Variants in UGT2B15 observed in about 807,000 individuals in gnomAD.
UGT2B15 encodes UDP glucuronosyltransferase family 2 member B15, also known as UDP-glucuronosyltransferase 2B15.
Under a neutral mutation model 45.9 loss-of-function variants are expected in UGT2B15, and 36 were observed. The observed-to-expected ratio is 0.78, with a 90% CI of 0.60 to 1.04. The LOEUF is 1.04. Among genes scored for constraint, UGT2B15 ranks in the 50% least tolerant of loss-of-function variants. The pLI is 0.00. For synonymous variants in UGT2B15, 219 were observed against 216.4 expected, an observed-to-expected ratio of 1.01 and a Z score of -0.11; for missense variants, 617 against 622.4, an observed-to-expected ratio of 0.99 and a Z score of 0.09.
intron 3 of UGT2B15, among the ~76,000 whole-genome samples, chr4:68,661,562 A>G (rs1294367520): frequency 6.6e-6 from 1 of 152,064 alleles, no homozygotes; most frequent in East Asian, 1.9e-4. Context: ...AGAAGAGTTT[A>G]CTTATATCCA....
intron 5 of UGT2B15, among the ~76,000 whole-genome samples, chr4:68,649,899 C>T (rs1732600830): frequency 6.6e-6 from 1 of 151,516 alleles, no homozygotes; most frequent in Admixed American, 6.6e-5. Context: ...GTGGCACTAT[C>T]TCGGCTCACT....
At chr4:68,647,840 G>T (rs1234334523) in intron 5 of UGT2B15, among the ~76,000 whole-genome samples, 1 of 151,952 alleles carries the variant, frequency 6.6e-6, no homozygotes. Context: ...TCAGTCTCAT[G>T]AGAAGCTAGG....
At chr4:68,665,534 T>G (rs1347661202) in intron 2 of UGT2B15, among the ~76,000 whole-genome samples, 1 of 152,194 alleles carries the variant, frequency 6.6e-6, no homozygotes, top group Non-Finnish European at 1.5e-5. Flanking sequence ...ATTTATTCTC[T>G]GTACAGTTTC....
At chr4:68,664,816 A>G (rs537154785) in intron 2 of UGT2B15, among the ~76,000 whole-genome samples, 4 of 152,230 alleles carry the variant, frequency 2.6e-5, no homozygotes, top group African/African-American at 7.2e-5. Context: ...CACCCGCCTC[A>G]GCCTCCCGAT....
chr4:68,664,987 T>A (rs1274900233), intron 2 of UGT2B15, among the ~76,000 whole-genome samples: 2 of 152,206 alleles, frequency 1.3e-5, no homozygotes, highest in Non-Finnish European at 2.9e-5. Flanking sequence ...TTCAATGTTT[T>A]GTCTCATTCA....
In UGT2B15 at chr4:68,657,062, T is replaced by C. The variant is rs185754674; in HGVS notation, c.1006-1880A>G. Among the ~76,000 whole-genome samples, 1,129 of 152,264 alleles carry C rather than the reference T, an allele frequency of 7.4e-3. 15 individuals carry two copies. The highest frequency in any genetic ancestry group is 0.025 in the African/African-American group (1,045 of 41,540). On this transcript the variant is annotated intron_variant, in intron 3 of 5. Transcript: ENST00000338206. ...TGTTGTAAAGGGTCTCCTCTATTGT[T>C]TTTATTCCCCAAATTAATCTCATTT...
chr4:68,656,062 C>T (rs1048489464), intron 3 of UGT2B15, among the ~76,000 whole-genome samples: 24 of 152,058 alleles, frequency 1.6e-4, no homozygotes, highest in African/African-American at 4.6e-4. Context: ...TCTGATACCC[C>T]AAAATTCAGA....
At chr4:68,655,220 A>G (rs1270918516) in intron 3 of UGT2B15, 38 bp from the exon 4 acceptor site, 3 of 1,598,474 alleles carry the variant, frequency 1.9e-6, no homozygotes, top group Middle Eastern at 1.7e-4. Context: ...CAATGAATAG[A>G]ACTCTAAAAA....
At chr4:68,657,932 A>G (rs1391143915) in intron 3 of UGT2B15, among the ~76,000 whole-genome samples, 2 of 152,028 alleles carry the variant, frequency 1.3e-5, no homozygotes, top group Non-Finnish European at 2.9e-5. Context: ...TTTATGTTTA[A>G]TAGGCAATTG....
In UGT2B15 at chr4:68,646,882, C is replaced by T; in HGVS notation, c.*222G>A. 1.4e-6 allele frequency: 1 copy of T among 693,984 alleles called. No individual in the cohort carries two copies. The allele number at this position is 693,984 out of a possible 1,614,324, so 43.0% of individuals were successfully genotyped here. A position where few individuals can be genotyped will look rare whatever the true frequency, so the allele number is the denominator to read the frequency against. On this transcript the variant is annotated 3_prime_UTR_variant, in exon 6 of 6. Coordinates refer to ENST00000338206, the MANE Select transcript of UGT2B15 (RefSeq NM_001076.4). ...ATTAGGTATATCTCCAAATGCTATCCTTCCCCCCATTGTATTTTTCATAGC... is the reference window on the plus strand; with the variant it reads ...ATTAGGTATATCTCCAAATGCTATCTTTCCCCCCATTGTATTTTTCATAGC...
intron 1 of UGT2B15, 90 bp downstream of exon 1, chr4:68,669,805 C>A: frequency 6.7e-7 from 1 of 1,484,896 alleles, no homozygotes; most frequent in Non-Finnish European, 9.0e-7. Flanking sequence ...CTTAAAAACA[C>A]TATCTTCTGA....
At chr4:68,667,377 C>A (rs892691695) in intron 2 of UGT2B15, among the ~76,000 whole-genome samples, 1 of 151,842 alleles carries the variant, frequency 6.6e-6, no homozygotes, top group Non-Finnish European at 1.5e-5. Context: ...GGTTTTACCA[C>A]GTTTCCCAGG....
rs938346710 is a variant in UGT2B15 at position 68,665,678 on chromosome 4, T to C, written c.873+2362A>G. On this transcript the variant is annotated intron_variant, in intron 2 of 5. Coordinates refer to ENST00000338206, the MANE Select transcript of UGT2B15 (RefSeq NM_001076.4). The stretch of plus-strand genomic sequence containing the variant: ...ATACATAATGGAAAAGCAAGCAAAT[T>C]TGTCGCAACAATTATTTTGTGTACA... 1.1e-4 allele frequency among the ~76,000 whole-genome samples: 17 copies of C among 152,142 alleles called. 1 individual carries two copies. The highest frequency in any genetic ancestry group is 3.9e-4 in the African/African-American group (16 of 41,414).
intron 2 of UGT2B15, among the ~76,000 whole-genome samples, chr4:68,665,516 C>G (rs1733093575): frequency 6.6e-6 from 1 of 151,914 alleles, no homozygotes; most frequent in East Asian, 1.9e-4. Context: ...TTGAATCTTA[C>G]CATCATGATT....
chr4:68,646,911 A>C lies in UGT2B15; in HGVS notation c.*193T>G. The C allele has an allele frequency of 1.2e-6, 1 of 805,250 alleles. No homozygotes were observed. 49.9% of individuals were successfully genotyped at this position (805,250 alleles called of 1,614,324 possible). A position where few individuals can be genotyped will look rare whatever the true frequency, so the allele number is the denominator to read the frequency against. ...CCCCCATTGTATTTTTCATAGCTTA[A>C]AAATCATTGACATAGAATAATTCAG... is the stretch of plus-strand genomic sequence containing the variant. On this transcript the variant is annotated 3_prime_UTR_variant, in exon 6 of 6. Transcript: ENST00000338206.
chr4:68,652,408 CTA>C (rs759430706), intron 5 of UGT2B15, among the ~76,000 whole-genome samples: 10 of 150,194 alleles, frequency 6.7e-5, no homozygotes, highest in East Asian at 3.9e-4. Flanking sequence ...GCATCTTATT[CTA>C]TATATATATA....
chr4:68,649,984 C>T (rs1031304105), intron 5 of UGT2B15, among the ~76,000 whole-genome samples: 2 of 151,786 alleles, frequency 1.3e-5, no homozygotes, highest in African/African-American at 4.8e-5. Context: ...AGGTGCACAC[C>T]ACCATGCCCA....
chr4:68,659,798 T>A (rs1230380021), intron 3 of UGT2B15, among the ~76,000 whole-genome samples: 1 of 151,938 alleles, frequency 6.6e-6, no homozygotes, highest in African/African-American at 2.4e-5. Context: ...AAGAAAAACT[T>A]TCAGGACTCA....
intron 3 of UGT2B15, among the ~76,000 whole-genome samples, chr4:68,661,314 C>T (rs1221822904): frequency 2.0e-5 from 3 of 152,110 alleles, no homozygotes; most frequent in South Asian, 2.1e-4. Flanking sequence ...GGAATGCCTC[C>T]TCCCTGCTTC....
Sources: allele counts gnomAD v4.1 joint callset (sites outside exome capture counted in the v4.1 genomes callset), GRCh38; gene constraint gnomAD v4.1.1; transcripts MANE v1.5; gene names NCBI Gene and HGNC (gene_info 2026-07-23, HGNC 2026-07-21).